GPD2: variants seen among roughly 807,000 people sequenced by gnomAD.
GPD2 encodes the protein glycerol-3-phosphate dehydrogenase, mitochondrial.
Under a neutral mutation model 82.4 loss-of-function variants are expected in GPD2, and 54 were observed. The observed-to-expected ratio is 0.66, with a 90% CI of 0.53 to 0.82. GPD2 has a LOEUF of 0.82. GPD2 is among the 40% of genes least tolerant of loss of function. The pLI is 0.00. For synonymous variants in GPD2, 288 were observed against 306.1 expected, an observed-to-expected ratio of 0.94 and a Z score of 0.62; for missense variants, 748 against 896.2, an observed-to-expected ratio of 0.83 and a Z score of 2.11.
At chr2:156,564,412 A>C (rs1245951655) in intron 9 of GPD2, among the ~76,000 whole-genome samples, 2 of 152,126 alleles carry the variant, frequency 1.3e-5, no homozygotes, top group African/African-American at 4.8e-5. Flanking sequence ...AATGTACAAA[A>C]TTTCCACTGT....
chr2:156,411,549 CAT>C, the GPD2 span, among the ~76,000 whole-genome samples: 17 of 152,222 alleles, frequency 1.1e-4, no homozygotes, highest in Admixed American at 3.9e-4. Flanking sequence ...CTCCTGACCT[CAT>C]GTGATCCACC....
the GPD2 span, among the ~76,000 whole-genome samples, chr2:156,415,156 C>CTTTTTTT: frequency 8.7e-6 from 1 of 114,620 alleles, no homozygotes; most frequent in Non-Finnish European, 1.8e-5. Context: ...TTGTATCATT[C>CTTTTTTT]TTTTTTTTTT....
At chr2:156,465,357 CTTTCTTTT>C (rs1335031337) in intron 1 of GPD2, among the ~76,000 whole-genome samples, 7 of 20,508 alleles carry the variant, frequency 3.4e-4, no homozygotes, top group Admixed American at 2.6e-3. Flanking sequence ...TTCTTTCTTT[CTTTCTTTT>C]TTTTTTTTTT....
intron 6 of GPD2, among the ~76,000 whole-genome samples, chr2:156,537,349 G>A (rs898141738): frequency 2.6e-5 from 4 of 152,130 alleles, no homozygotes; most frequent in African/African-American, 9.7e-5. Context: ...ATCTTTCTTT[G>A]ACAATAACCA....
Position 156,557,628 on chromosome 2 carries a change from C to T in GPD2, c.1165+46C>T. ...GTTTGTCTCTCTGTGTCCATATCTC[C>T]CAAGCCATTCCAGCTCTCACTGGAT... On this transcript the variant is annotated intron_variant, in intron 9 of 16. Transcript: ENST00000438166. 3 of 1,013,884 alleles carry T rather than the reference C, an allele frequency of 3.0e-6. No individual in the cohort carries two copies. In the East Asian group the frequency reaches 7.1e-5, roughly 24 times the overall value. The allele number at this position is 1,013,884 out of a possible 1,614,324, so 62.8% of individuals were successfully genotyped here.
At position 156,569,100 on chromosome 2, in the gene GPD2, A is replaced by G. The variant is rs138611531; in HGVS notation, c.1300+141A>G. ...CACCTCAGCCTCCCAAAGTGTTGGG[A>G]TTACAGGCATGAGCCACTACACCTG... is the stretch of plus-strand genomic sequence containing the variant. On this transcript the variant is annotated intron_variant, in intron 10 of 16. Coordinates refer to ENST00000438166, the MANE Select transcript of GPD2 (RefSeq NM_000408.5). 1,378 of 749,614 alleles carry G rather than the reference A, an allele frequency of 1.8e-3. 20 individuals are homozygous for G. The East Asian group carries it at 0.029, about 16-fold the overall frequency. The allele number at this position is 749,614 out of a possible 1,614,324, so 46.4% of individuals were successfully genotyped here.
intron 6 of GPD2, among the ~76,000 whole-genome samples, chr2:156,518,360 A>G (rs1685274117): frequency 6.6e-6 from 1 of 152,172 alleles, no homozygotes; most frequent in Admixed American, 6.5e-5. Flanking sequence ...CAATAATGAC[A>G]ATGAATTTCA....
the GPD2 span, among the ~76,000 whole-genome samples, chr2:156,412,049 T>C: frequency 1.3e-5 from 2 of 152,278 alleles, no homozygotes; most frequent in South Asian, 2.1e-4. Context: ...CTTAGTAGTA[T>C]TGAGCCGCAA....
At chr2:156,541,763 A>G (rs904978043) in intron 6 of GPD2, among the ~76,000 whole-genome samples, 28 of 149,906 alleles carry the variant, frequency 1.9e-4, no homozygotes, top group Non-Finnish European at 5.9e-5. Context: ...CTTCACTTCA[A>G]TTAATTTTGT....
intron 2 of GPD2, among the ~76,000 whole-genome samples, chr2:156,488,493 A>G (rs1684028858): frequency 1.3e-5 from 2 of 152,196 alleles, no homozygotes; most frequent in South Asian, 4.1e-4. Context: ...TTATTACTGT[A>G]CATGATTACA....
chr2:156,500,266 T>C (rs1684540486), intron 3 of GPD2, among the ~76,000 whole-genome samples: 1 of 152,172 alleles, frequency 6.6e-6, no homozygotes, highest in Non-Finnish European at 1.5e-5. Flanking sequence ...TCTCTTATTA[T>C]GCTGGTAGCC....
At chr2:156,453,877 AAAAACAAAAAAC>A (rs1304956937) in intron 1 of GPD2, among the ~76,000 whole-genome samples, 10 of 152,318 alleles carry the variant, frequency 6.6e-5, no homozygotes, top group African/African-American at 1.9e-4. Flanking sequence ...ACTCTGTCTC[AAAAACAAAAAAC>A]AAAACAAAAA....
At chr2:156,492,798 G>C (rs1358498982) in intron 2 of GPD2, among the ~76,000 whole-genome samples, 1 of 152,126 alleles carries the variant, frequency 6.6e-6, no homozygotes. Context: ...TTAAGAGACG[G>C]GGAGCTCTCA....
chr2:156,582,484 TAAA>T (rs5835627), intron 16 of GPD2, among the ~76,000 whole-genome samples: 2 of 136,576 alleles, frequency 1.5e-5, no homozygotes, highest in Admixed American at 7.2e-5. Flanking sequence ...TTGAAGTTGC[TAAA>T]AAAAAAAAAA....
Position 156,550,699 on chromosome 2 carries a change from C to T in GPD2, c.924C>T (p.Ile308=), listed in dbSNP as rs1239419407. ...TGGATGATAAAGACGCAGCAGCTAT[C>T]TGCCAGCCAAGTGCTGGTGTCCATA... ...RKMDDKDAAA[I]CQPSAGVHIV... The change falls in exon 8 of 17, where the codon ATC becomes ATT. Residue 308 remains isoleucine, a synonymous_variant. Coordinates refer to ENST00000438166, the MANE Select transcript of GPD2 (RefSeq NM_000408.5). 1.2e-6 allele frequency: 2 copies of T among 1,613,774 alleles called. No individual in the cohort carries two copies. The highest frequency in any genetic ancestry group is 2.2e-5 in the East Asian group (1 of 44,854).
chr2:156,494,771 G>A (rs1246665020), intron 2 of GPD2, among the ~76,000 whole-genome samples: 4 of 152,174 alleles, frequency 2.6e-5, no homozygotes, highest in Non-Finnish European at 5.9e-5. Flanking sequence ...AAAGAAAATG[G>A]AAGTCACATA....
At chr2:156,426,904 G>A in the GPD2 span, among the ~76,000 whole-genome samples, 2 of 152,170 alleles carry the variant, frequency 1.3e-5, no homozygotes, top group South Asian at 2.1e-4. Flanking sequence ...ATGCAGATTG[G>A]GCTTTCCAGA....
chr2:156,506,922 T>G (rs748559908), intron 3 of GPD2, among the ~76,000 whole-genome samples: 7 of 152,216 alleles, frequency 4.6e-5, no homozygotes, highest in Non-Finnish European at 7.3e-5. Flanking sequence ...AATAATAAAT[T>G]AACAAGCACA....
chr2:156,420,698 A>T, the GPD2 span, among the ~76,000 whole-genome samples: 2 of 152,226 alleles, frequency 1.3e-5, no homozygotes, highest in African/African-American at 2.4e-5. Context: ...AACCTCCTAT[A>T]AAGTCATTTA....
Sources: gnomAD v4.1 joint callset for allele counts (sites outside exome capture counted in the v4.1 genomes callset) on GRCh38, gnomAD v4.1.1 for gene constraint, MANE v1.5 for transcripts, NCBI Gene and HGNC (gene_info 2026-07-23, HGNC 2026-07-21) for gene names.